Variants in CORO7 observed in about 807,000 individuals in gnomAD.
The protein encoded by CORO7 is coronin 7.
CORO7 carries 107 observed loss-of-function variants against 126.6 expected under a neutral mutation model. The observed-to-expected ratio is 0.85, with a 90% confidence interval of 0.72 to 0.99. The LOEUF is 0.99. Among genes scored for constraint, CORO7 ranks in the 50% least tolerant of loss-of-function variants. The pLI is 0.00. For synonymous variants in CORO7, 603 were observed against 536.8 expected, an observed-to-expected ratio of 1.12 and a Z score of -1.70; for missense variants, 1,314 against 1,255.8, an observed-to-expected ratio of 1.05 and a Z score of -0.70.
At position 4,360,265 on chromosome 16, in the gene CORO7, C is replaced by A. The variant is rs1295450026; in HGVS notation, c.2108+13G>T. ...CTTCTGAAGCCTGGGGATGGGGATG[C>A]CTGAGTCCTCACCTGTCAAAGCCAG... On this transcript the variant is annotated intron_variant, in intron 21 of 27. Transcript: ENST00000251166. The A allele has an allele frequency of 1.4e-5, 22 of 1,613,358 alleles. No individual in the cohort carries two copies. Among genetic ancestry groups the A allele is most frequent in the Non-Finnish European group, 1.8e-5 (21 of 1,179,954 alleles).
At chr16:4,394,103 C>T (rs376455195) in intron 7 of CORO7, among the ~76,000 whole-genome samples, 2 of 151,638 alleles carry the variant, frequency 1.3e-5, no homozygotes, top group East Asian at 3.9e-4. Context: ...TCCATCTCCC[C>T]ACCCAAAAAA....
chr16:4,380,286 C>A (rs1416057652), intron 9 of CORO7, among the ~76,000 whole-genome samples: 1 of 152,184 alleles, frequency 6.6e-6, no homozygotes, highest in Non-Finnish European at 1.5e-5. Flanking sequence ...CACTTCCTGG[C>A]GGCCCGCAGC....
intron 1 of CORO7, 61 bp downstream of exon 1, chr16:4,416,398 G>C (rs890170891): frequency 4.7e-6 from 7 of 1,491,588 alleles, no homozygotes; most frequent in African/African-American, 2.9e-5. Flanking sequence ...GGTCCGGGCA[G>C]GGGGAGGGGC....
Position 4,408,221 on chromosome 16 carries a change from A to T in CORO7, c.263T>A (p.Phe88Tyr). The T allele has an allele frequency of 1.2e-6, 2 of 1,614,208 alleles. No individual in the cohort carries two copies. Among genetic ancestry groups the T allele is most frequent in the Non-Finnish European group, 1.7e-6 (2 of 1,180,024 alleles). ...DLVTDLDFSP[F>Y]DDFLLATGSA... is the part of the protein sequence containing the mutation. ...GCCTGTGGCCAGGAGGAAGTCATCA[A>T]AGGGCGAGAAGTCCAAGTCGGTGAC... Residue 88 changes from phenylalanine to tyrosine, a missense_variant, in exon 4 of 28, where the codon TTT becomes TAT. Transcript: ENST00000251166.
chr16:4,363,260 C>G (rs1019388080), intron 14 of CORO7: 2 of 151,382 alleles, frequency 1.3e-5, no homozygotes, highest in African/African-American at 4.9e-5. Flanking sequence ...TGAAGCCTGA[C>G]TCTACTAAAA....
At chr16:4,357,311 T>C in intron 25 of CORO7, 52 bp from the exon 26 acceptor site, 1 of 1,520,626 alleles carries the variant, frequency 6.6e-7, no homozygotes, top group Non-Finnish European at 8.8e-7. Context: ...TAGGGCTCTT[T>C]GGTGCCAAGC....
At chr16:4,360,727 C>A (rs550800837) in intron 19 of CORO7, among the ~76,000 whole-genome samples, 179 bp from the exon 20 acceptor site, 5 of 141,020 alleles carry the variant, frequency 3.5e-5, no homozygotes, top group African/African-American at 1.3e-4. Flanking sequence ...TGCTGGCCCC[C>A]CTTCTCCTCA....
intron 3 of CORO7, among the ~76,000 whole-genome samples, chr16:4,412,048 A>G (rs1320291282): frequency 6.6e-6 from 1 of 151,966 alleles, no homozygotes; most frequent in Non-Finnish European, 1.5e-5. Context: ...GCTCAGAGCC[A>G]TCCAACGTGG....
At chr16:4,390,214 C>G (rs757891259) in intron 7 of CORO7, among the ~76,000 whole-genome samples, 7 of 152,298 alleles carry the variant, frequency 4.6e-5, no homozygotes, top group South Asian at 2.1e-4. Flanking sequence ...GAGCCCCAGC[C>G]TGGCCACCTC....
chr16:4,357,355 CTTTTTTTTT>C (rs61391325), intron 25 of CORO7, 96 bp from the exon 26 acceptor site: 1 of 664,330 alleles, frequency 1.5e-6, no homozygotes, highest in Admixed American at 5.2e-5. Flanking sequence ...TTCTTTCTTT[CTTTTTTTTT>C]TTTTTTTTTT....
intron 9 of CORO7, chr16:4,382,279 A>C: frequency 6.2e-7 from 1 of 1,609,092 alleles, no homozygotes; most frequent in Non-Finnish European, 8.5e-7. Context: ...GACCCTGGGC[A>C]TCGAGCCGGT....
chr16:4,359,878 T>G (rs8061527), intron 21 of CORO7, among the ~76,000 whole-genome samples: 10,315 of 142,220 alleles, frequency 0.073, 1,407 homozygotes, highest in African/African-American at 0.27. Flanking sequence ...CAGAGCCCCT[T>G]GTGCACCCCT....
At chr16:4,378,229 T>C (rs2054820500) in intron 9 of CORO7, among the ~76,000 whole-genome samples, 1 of 152,166 alleles carries the variant, frequency 6.6e-6, no homozygotes, top group Admixed American at 6.5e-5. Context: ...GCAAAGTCAC[T>C]GTCTGCGGCC....
In CORO7 at chr16:4,361,327, C is replaced by T. The variant is rs1486218521; in HGVS notation, c.1687+34G>A. On this transcript the variant is annotated intron_variant, in intron 17 of 27. Coordinates refer to ENST00000251166, the MANE Select transcript of CORO7 (RefSeq NM_024535.5). The stretch of plus-strand genomic sequence containing the variant: ...CCCAGCCCCTATCCGGGACCCAGGA[C>T]CCTCCCTCAAGCCCAGGCACCCAGC... 5 of 1,611,188 alleles carry T rather than the reference C, an allele frequency of 3.1e-6. No homozygotes were observed. In the African/African-American group the frequency reaches 4.0e-5, roughly 13 times the overall value.
chr16:4,362,123 G>C lies in CORO7; in HGVS notation c.1440C>G (p.Val480=). The change falls in exon 16 of 28, where the codon GTC becomes GTG. Residue 480 remains valine (V), a synonymous_variant. Transcript: ENST00000251166. The surrounding 1 kb of genome is among the most constrained non-coding windows in gnomAD (Gnocchi z 5.3). The part of the protein sequence containing the change: ...SSKFRHAQGT[V]LHRDSHITNL... ...TGGTGATGTGGCTGTCTCGGTGCAG[G>C]ACAGTGCCCTGAGCATGGCGGAACT... 6.2e-7 allele frequency: 1 copy of C among 1,612,534 alleles called. No homozygotes were observed. The highest frequency in any genetic ancestry group is 1.1e-5 in the South Asian group (1 of 91,054).
intron 25 of CORO7, 152 bp from the exon 26 acceptor site, chr16:4,357,411 G>A: frequency 1.2e-6 from 1 of 814,636 alleles, no homozygotes; most frequent in South Asian, 1.9e-5. Flanking sequence ...AGGCTGGAGT[G>A]CAATGATGTG....
intron 21 of CORO7, among the ~76,000 whole-genome samples, chr16:4,359,939 T>G (rs1390767992): frequency 4.1e-5 from 2 of 48,518 alleles, no homozygotes; most frequent in African/African-American, 1.7e-4. Flanking sequence ...ATCTCCCCAC[T>G]ACCCCCAAAA....
At chr16:4,358,990 T>A (rs2054070933) in intron 23 of CORO7, 1 of 455,440 alleles carries the variant, frequency 2.2e-6, no homozygotes, top group Non-Finnish European at 3.9e-6. Flanking sequence ...TTGCCCAGGC[T>A]GGTCTTGAAC....
chr16:4,367,299 T>G (rs1360380551), intron 9 of CORO7, among the ~76,000 whole-genome samples: 1 of 152,190 alleles, frequency 6.6e-6, no homozygotes, highest in Non-Finnish European at 1.5e-5. Flanking sequence ...GTGCGTGACC[T>G]GGAGTGCCCT....
Sources: allele counts gnomAD v4.1 joint callset (sites outside exome capture counted in the v4.1 genomes callset), GRCh38; gene constraint gnomAD v4.1.1; non-coding constraint Gnocchi (gnomAD v3.1); transcripts MANE v1.5; gene names NCBI Gene and HGNC (gene_info 2026-07-23, HGNC 2026-07-21).